The following RNF144B variants were observed in gnomAD, a reference collection of about 807,000 sequenced individuals.
RNF144B encodes E3 ubiquitin-protein ligase RNF144B.
RNF144B carries 25 observed loss-of-function variants against 40.2 expected under a neutral mutation model. The ratio of observed to expected loss-of-function variants is 0.62; its 90% CI spans 0.45 to 0.87. RNF144B has a LOEUF of 0.87. Among genes scored for constraint, RNF144B ranks in the 40% least tolerant of loss-of-function variants. The pLI is 0.00. For missense variants in RNF144B, 365 were observed against 373.7 expected (o/e 0.98, Z 0.19); for synonymous variants, 145 against 136.3 (o/e 1.06, Z -0.44).
In RNF144B at chr6:18,442,970, ACTGTAAGTAATG is replaced by A. The variant is rs1259433793; in HGVS notation, c.331+3230_331+3241del. Reference sequence around the variant, plus strand: ...TTTCAGTTGTTTCCACCTTTTGGCTACTGTAAGTAATGCTGCTGTGAACACTGGGGTATAATC... The same window carrying A: ...TTTCAGTTGTTTCCACCTTTTGGCTACTGCTGTGAACACTGGGGTATAATC... On this transcript the variant is annotated intron_variant, in intron 4 of 7. Coordinates refer to ENST00000259939, the MANE Select transcript of RNF144B (RefSeq NM_182757.4). The surrounding 1 kb of genome is among the most constrained non-coding windows in gnomAD (Gnocchi z 4.3). Among the ~76,000 whole-genome samples the A allele has an allele frequency of 6.6e-6, 1 of 152,156 alleles. No individual in the cohort carries two copies. The highest frequency in any genetic ancestry group is 1.9e-4 in the East Asian group (1 of 5,198).
intron 1 of RNF144B, among the ~76,000 whole-genome samples, chr6:18,392,599 A>G (rs1026335120): frequency 6.6e-6 from 1 of 152,166 alleles, no homozygotes; most frequent in Admixed American, 6.5e-5. Flanking sequence ...CGATGTTAAA[A>G]CTAAGAAATT....
chr6:18,424,229 C>T (rs184196845), intron 2 of RNF144B, among the ~76,000 whole-genome samples: 6 of 152,260 alleles, frequency 3.9e-5, no homozygotes, highest in African/African-American at 1.4e-4. Context: ...GAGGGACACT[C>T]GAGATTAAAT....
At chr6:18,407,675 A>C (rs192765566) in intron 2 of RNF144B, among the ~76,000 whole-genome samples, 1 of 152,332 alleles carries the variant, frequency 6.6e-6, no homozygotes, top group Admixed American at 6.5e-5. Flanking sequence ...CTCTAAAATA[A>C]AATTGGTTAG....
At position 18,468,723 on chromosome 6, in the gene RNF144B, A is replaced by T. The variant is rs1435342760; in HGVS notation, c.*3656A>T. The T allele has an allele frequency of 6.6e-6, 1 of 152,204 alleles. No individual in the cohort carries two copies. Among genetic ancestry groups the T allele is most frequent in the Admixed American group, 6.5e-5 (1 of 15,276 alleles). 9.4% of individuals were successfully genotyped at this position (152,204 alleles called of 1,614,324 possible). A position where few individuals can be genotyped will look rare whatever the true frequency, so the allele number is the denominator to read the frequency against. On this transcript the variant is annotated 3_prime_UTR_variant, in exon 8 of 8. Coordinates refer to ENST00000259939, the MANE Select transcript of RNF144B (RefSeq NM_182757.4). ...ACATTTTATAAAGCGATCACAATTG[A>T]TATCTACAGGCTATTATGTCTCATG...
chr6:18,435,750 T>C (rs1562052154), intron 3 of RNF144B, among the ~76,000 whole-genome samples: 1 of 152,006 alleles, frequency 6.6e-6, no homozygotes, highest in South Asian at 2.1e-4. Context: ...GAAACCATCA[T>C]TCTCAGCAAA....
intron 2 of RNF144B, among the ~76,000 whole-genome samples, chr6:18,407,529 A>G (rs1487867763): frequency 6.6e-6 from 1 of 152,242 alleles, no homozygotes; most frequent in Non-Finnish European, 1.5e-5. Flanking sequence ...CTTTTGACTG[A>G]TAATTTCCAG....
chr6:18,467,919 G>C lies in RNF144B; in HGVS notation c.*2852G>C, dbSNP rs1459048008. 1 of 152,224 alleles carries C rather than the reference G, an allele frequency of 6.6e-6. No individual in the cohort carries two copies. Among genetic ancestry groups the C allele is most frequent in the Non-Finnish European group, 1.5e-5 (1 of 68,070 alleles). 9.4% of individuals were successfully genotyped at this position (152,224 alleles called of 1,614,324 possible). On this transcript the variant is annotated 3_prime_UTR_variant, in exon 8 of 8. Transcript: ENST00000259939. ...GGCTCCCAAAGTGTTGGGATTACAGGTGTGTGTCACTGTGCCTGACAGCTG... is the reference window on the plus strand; with the variant it reads ...GGCTCCCAAAGTGTTGGGATTACAGCTGTGTGTCACTGTGCCTGACAGCTG...
At position 18,423,680 on chromosome 6, in the gene RNF144B, C is replaced by T. The variant is rs1487160903; in HGVS notation, c.166-3901C>T. ...CAGAGTTGGAAGAGACAATATGAGT[C>T]GTCTGGTTCACCAGGTGTTTGGTTA... is the stretch of plus-strand genomic sequence containing the variant. On this transcript the variant is annotated intron_variant, in intron 2 of 7. Coordinates refer to ENST00000259939, the MANE Select transcript of RNF144B (RefSeq NM_182757.4). Among the ~76,000 whole-genome samples, 7 of 152,208 alleles carry T rather than the reference C, an allele frequency of 4.6e-5. No homozygotes were observed. The East Asian group carries it at 7.7e-4, about 17-fold the overall frequency.
rs554668809 is a variant in RNF144B at position 18,416,785 on chromosome 6, T to A, written c.166-10796T>A. Reference sequence around the variant, plus strand: ...GGAGAGGTTGGGTAGAAAAGAGTGATGAGGGGCATAAAAGTATCTTCCCTG... The same window carrying A: ...GGAGAGGTTGGGTAGAAAAGAGTGAAGAGGGGCATAAAAGTATCTTCCCTG... On this transcript the variant is annotated intron_variant, in intron 2 of 7. Coordinates refer to ENST00000259939, the MANE Select transcript of RNF144B (RefSeq NM_182757.4). The surrounding 1 kb of genome is among the most constrained non-coding windows in gnomAD (Gnocchi z 5.5). Among the ~76,000 whole-genome samples, 6 of 152,304 alleles carry A rather than the reference T, an allele frequency of 3.9e-5. No individual in the cohort carries two copies. In the East Asian group the frequency reaches 9.6e-4, roughly 24 times the overall value.
At position 18,468,570 on chromosome 6, in the gene RNF144B, T is replaced by A. The variant is rs1759621469; in HGVS notation, c.*3503T>A. On this transcript the variant is annotated 3_prime_UTR_variant, in exon 8 of 8. Transcript: ENST00000259939. ...ATTCTGAATTAAATGTATATTTCTT[T>A]AGCCTTCCCTACACAGTACTAATAA... The A allele has an allele frequency of 6.6e-6, 1 of 152,176 alleles. No individual in the cohort carries two copies. Among genetic ancestry groups the A allele is most frequent in the Non-Finnish European group, 1.5e-5 (1 of 68,028 alleles). The allele number at this position is 152,176 out of a possible 1,614,324, so 9.4% of individuals were successfully genotyped here.
In RNF144B at chr6:18,465,150, C is replaced by T; in HGVS notation, c.*83C>T. The T allele has an allele frequency of 1.4e-6, 2 of 1,420,614 alleles. No homozygotes were observed. Among genetic ancestry groups the T allele is most frequent in the Admixed American group, 2.1e-5 (1 of 48,412 alleles). The allele number at this position is 1,420,614 out of a possible 1,614,324, so 88.0% of individuals were successfully genotyped here. ...AAGCCCCATTTAGTGACCTTGCCTC[C>T]TTCTCCTTGCCAACTTTGAAAGTGC... On this transcript the variant is annotated 3_prime_UTR_variant, in exon 8 of 8. Coordinates refer to ENST00000259939, the MANE Select transcript of RNF144B (RefSeq NM_182757.4).
chr6:18,439,634 CAG>C, intron 3 of RNF144B, 48 bp from the exon 4 acceptor site: 2 of 1,272,864 alleles, frequency 1.6e-6, no homozygotes, highest in Non-Finnish European at 2.3e-6. Context: ...GCTGGTAACT[CAG>C]GGCACTATGA....
Position 18,459,756 on chromosome 6 carries a change from G to GT in RNF144B, c.681+7dup, listed in dbSNP as rs1325853983. On this transcript the variant is annotated splice_donor_region_variant and intron_variant, in intron 6 of 7. Coordinates refer to ENST00000259939, the MANE Select transcript of RNF144B (RefSeq NM_182757.4). The surrounding 1 kb of genome is among the most constrained non-coding windows in gnomAD (Gnocchi z 4.2). ...TACTGCCTCCAGAACTTGGATGTAAGTTCCACCTAGGTTTGTTGTATGGTG... is the reference window on the plus strand; with the variant it reads ...TACTGCCTCCAGAACTTGGATGTAAGTTTCCACCTAGGTTTGTTGTATGGTG... 1 of 1,613,620 alleles carries GT rather than the reference G, an allele frequency of 6.2e-7. No individual in the cohort carries two copies. The highest frequency in any genetic ancestry group is 2.2e-5 in the East Asian group (1 of 44,878).
Position 18,457,444 on chromosome 6 carries a change from G to A in RNF144B, c.536+85G>A. On this transcript the variant is annotated intron_variant, in intron 5 of 7. Transcript: ENST00000259939. This position sits in a 1 kb window ranked among gnomAD's most constrained non-coding sequence, Gnocchi z 5.1. ...CCTTACGTGTAGAAGGAGTTACGTT[G>A]TGATGGCGTTTAGAGATTGGTTATT... 9.7e-7 allele frequency: 1 copy of A among 1,028,368 alleles called. No homozygotes were observed. Among genetic ancestry groups the A allele is most frequent in the Non-Finnish European group, 1.5e-6 (1 of 653,160 alleles). The allele number at this position is 1,028,368 out of a possible 1,614,324, so 63.7% of individuals were successfully genotyped here. A position where few individuals can be genotyped will look rare whatever the true frequency, so the allele number is the denominator to read the frequency against.
In RNF144B at chr6:18,464,983, A is replaced by T. The variant is rs1228572562; in HGVS notation, c.828A>T (p.Leu276Phe). The T allele has an allele frequency of 6.2e-7, 1 of 1,613,604 alleles. No individual in the cohort carries two copies. Among genetic ancestry groups the T allele is most frequent in the South Asian group, 1.1e-5 (1 of 91,046 alleles). ...GIIALVTSPL[L>F]LLASPCIICC... is the part of the protein sequence containing the mutation. The stretch of plus-strand genomic sequence containing the variant: ...TTGCCTTGGTTACTTCACCCTTGTT[A>T]CTCCTGGCCTCCCCATGTATAATCT... The change falls in exon 8 of 8, where the codon TTA (leucine) becomes TTT (phenylalanine). Residue 276 changes from leucine (L) to phenylalanine (F), a missense_variant. Transcript: ENST00000259939. This position sits in a 1 kb window ranked among gnomAD's most constrained non-coding sequence, Gnocchi z 6.1.
Position 18,387,558 on chromosome 6 carries a change from G to A in RNF144B, c.-109G>A, listed in dbSNP as rs1202661557. ...AGAGCTCCTGTCCGGTGTGCCAGCA[G>A]CCCGGACTGGCGGTGAGCGCGAGGG... is the stretch of plus-strand genomic sequence containing the variant. On this transcript the variant is annotated 5_prime_UTR_variant, in exon 1 of 8. Coordinates refer to ENST00000259939, the MANE Select transcript of RNF144B (RefSeq NM_182757.4). 3 of 1,328,974 alleles carry A rather than the reference G, an allele frequency of 2.3e-6. No homozygotes were observed. The highest frequency in any genetic ancestry group is 4.8e-5 in the East Asian group (1 of 20,930). The allele number at this position is 1,328,974 out of a possible 1,614,324, so 82.3% of individuals were successfully genotyped here. A position where few individuals can be genotyped will look rare whatever the true frequency, so the allele number is the denominator to read the frequency against.
rs541432381 is a variant in RNF144B, at chr6:18,393,103, GA to G, written c.-37+5474del. Among the ~76,000 whole-genome samples the G allele has an allele frequency of 1.5e-4, 22 of 142,462 alleles. 1 individual carries two copies. Among genetic ancestry groups the G allele is most frequent in the Non-Finnish European group, 2.9e-4 (19 of 66,520 alleles). The allele number at this position is 142,462 out of a possible 152,430, so 93.5% of individuals were successfully genotyped here. A position where few individuals can be genotyped will look rare whatever the true frequency, so the allele number is the denominator to read the frequency against. On this transcript the variant is annotated intron_variant, in intron 1 of 7. Coordinates refer to ENST00000259939, the MANE Select transcript of RNF144B (RefSeq NM_182757.4). ...GCCACTGCACTCCAGCCTGGAGACA[GA>G]GTGAGACTCCATCTCAAAAAAAAAA...
Position 18,461,302 on chromosome 6 carries a change from A to G in RNF144B, c.681+1551A>G, listed in dbSNP as rs182433155. Among the ~76,000 whole-genome samples, 37 of 152,294 alleles carry G rather than the reference A, an allele frequency of 2.4e-4. 1 individual carries two copies. In the East Asian group the frequency reaches 6.7e-3, roughly 28 times the overall value. On this transcript the variant is annotated intron_variant, in intron 6 of 7. Transcript: ENST00000259939. The stretch of plus-strand genomic sequence containing the variant: ...GATTTATCATAGGCCCTTGAGTTAC[A>G]ATTATGTTTGATATTTAAGACCTAG...
At chr6:18,427,290 A>T (rs1316241631) in intron 2 of RNF144B, among the ~76,000 whole-genome samples, 1 of 152,058 alleles carries the variant, frequency 6.6e-6, no homozygotes, top group Non-Finnish European at 1.5e-5. Flanking sequence ...CTTTAGGGTT[A>T]GAAAATAGTG....
Sources: gnomAD v4.1 joint callset for allele counts (sites outside exome capture counted in the v4.1 genomes callset) on GRCh38, gnomAD v4.1.1 for gene constraint, Gnocchi (gnomAD v3.1) non-coding constraint, MANE v1.5 for transcripts, NCBI Gene and HGNC (gene_info 2026-07-23, HGNC 2026-07-21) for gene names.